Variants in CRTAC1 observed in about 807,000 individuals in gnomAD.
The protein encoded by CRTAC1 is cartilage acidic protein 1, also known as acidic secreted protein in cartilage.
In CRTAC1, 37 loss-of-function variants were observed where a neutral mutation model predicts 67.8. The ratio of observed to expected loss-of-function variants is 0.55; its 90% CI spans 0.42 to 0.72. The LOEUF (loss-of-function observed/expected upper bound fraction) is 0.72, where lower values mean the gene tolerates loss of function less well. Ranked by LOEUF, CRTAC1 falls within the 30% of genes least tolerant of loss-of-function variation. The pLI, the probability that CRTAC1 is intolerant of heterozygous loss-of-function variation, is 0.00. For missense variants in CRTAC1, 780 were observed against 931.6 expected (o/e 0.84, Z 2.12); for synonymous variants, 348 against 371.0 (o/e 0.94, Z 0.71).
intron 14 of CRTAC1, among the ~76,000 whole-genome samples, chr10:97,879,400 T>A (rs2050182632): frequency 6.6e-6 from 1 of 152,180 alleles, no homozygotes; most frequent in Non-Finnish European, 1.5e-5. Context: ...GATACAAGAC[T>A]ATCTTGATTC....
intron 2 of CRTAC1, among the ~76,000 whole-genome samples, chr10:97,967,036 C>T (rs1319082569): frequency 1.4e-5 from 2 of 146,344 alleles, no homozygotes; most frequent in Non-Finnish European, 3.0e-5. Flanking sequence ...AAGGAAGTCA[C>T]TATGCGGCAC....
Position 97,898,272 on chromosome 10 carries a change from C to T in CRTAC1, c.1134-1281G>A, listed in dbSNP as rs373520765. Reference sequence around the variant, plus strand: ...GGATGGAGCTCAGAGTCCGTGTTAACAGGAACCACCGTTCAGAGGGCTGAA... The same window carrying T: ...GGATGGAGCTCAGAGTCCGTGTTAATAGGAACCACCGTTCAGAGGGCTGAA... On this transcript the variant is annotated intron_variant, in intron 8 of 14. Coordinates refer to ENST00000370597, the MANE Select transcript of CRTAC1 (RefSeq NM_018058.7). Among the ~76,000 whole-genome samples the T allele has an allele frequency of 1.5e-3, 231 of 152,330 alleles. 2 individuals carry two copies. Among genetic ancestry groups the T allele is most frequent in the African/African-American group, 5.0e-3 (209 of 41,568 alleles).
intron 3 of CRTAC1, among the ~76,000 whole-genome samples, chr10:97,930,329 C>T (rs1235931372): frequency 6.6e-6 from 1 of 152,206 alleles, no homozygotes; most frequent in East Asian, 1.9e-4. Context: ...TATTATGCTG[C>T]TTTGGCCCAT....
At chr10:98,025,450 A>G (rs1422632009) in intron 1 of CRTAC1, among the ~76,000 whole-genome samples, 1 of 152,126 alleles carries the variant, frequency 6.6e-6, no homozygotes, top group African/African-American at 2.4e-5. Context: ...GATAAGGTAA[A>G]AATCATGAGT....
chr10:98,025,282 G>A (rs374499963), intron 1 of CRTAC1, among the ~76,000 whole-genome samples: 2 of 152,134 alleles, frequency 1.3e-5, no homozygotes, highest in Admixed American at 6.5e-5. Flanking sequence ...GACGTGTTCT[G>A]TGCACTGTAG....
At chr10:97,869,444 C>T (rs553624929) in intron 14 of CRTAC1, 2 of 152,796 alleles carry the variant, frequency 1.3e-5, no homozygotes, top group South Asian at 4.1e-4. Context: ...AGGAGCAGCT[C>T]CAGCCTCAGC....
intron 3 of CRTAC1, among the ~76,000 whole-genome samples, chr10:97,927,850 C>A (rs1026389604): frequency 6.6e-6 from 1 of 152,232 alleles, no homozygotes; most frequent in South Asian, 2.1e-4. Context: ...GCGAGCTGTG[C>A]GGGTCGATGG....
At chr10:98,028,934 G>A (rs489888) in intron 1 of CRTAC1, among the ~76,000 whole-genome samples, 2 of 152,098 alleles carry the variant, frequency 1.3e-5, no homozygotes, top group Admixed American at 6.5e-5. Context: ...ACACCGTTTC[G>A]ACCTTTTCCA....
intron 2 of CRTAC1, among the ~76,000 whole-genome samples, chr10:97,944,472 A>T (rs2051232234): frequency 1.3e-5 from 2 of 152,152 alleles, no homozygotes; most frequent in Admixed American, 6.5e-5. Flanking sequence ...TAAAATGACA[A>T]CAGTGTTCTC....
chr10:97,918,561 G>A (rs1243117611), intron 4 of CRTAC1, among the ~76,000 whole-genome samples: 2 of 152,216 alleles, frequency 1.3e-5, no homozygotes, highest in African/African-American at 4.8e-5. Context: ...GCCAAGTGCT[G>A]TGTTAAAAAT....
chr10:97,889,136 G>A, intron 11 of CRTAC1, among the ~76,000 whole-genome samples: 1 of 148,244 alleles, frequency 6.7e-6, no homozygotes, highest in East Asian at 2.1e-4. Flanking sequence ...GGGAAGGGGG[G>A]GAGGGGGAAG....
chr10:97,943,711 G>A (rs2051214513), intron 2 of CRTAC1, among the ~76,000 whole-genome samples: 2 of 152,306 alleles, frequency 1.3e-5, no homozygotes, highest in Non-Finnish European at 2.9e-5. Flanking sequence ...TGGGCCAAAT[G>A]GTCTGCTTCC....
chr10:98,026,961 C>T (rs1241229453), intron 1 of CRTAC1, among the ~76,000 whole-genome samples: 2 of 152,042 alleles, frequency 1.3e-5, no homozygotes, highest in South Asian at 2.1e-4. Flanking sequence ...GGGCAGATCA[C>T]GAGGTCAGGA....
chr10:97,995,350 C>T (rs953463395), intron 2 of CRTAC1, among the ~76,000 whole-genome samples: 1 of 152,130 alleles, frequency 6.6e-6, no homozygotes, highest in East Asian at 1.9e-4. Context: ...CCCAAGACTT[C>T]CATGCTGTAG....
At chr10:97,936,725 ACTTT>A (rs1476411711) in intron 2 of CRTAC1, among the ~76,000 whole-genome samples, 6 of 152,256 alleles carry the variant, frequency 3.9e-5, no homozygotes, top group South Asian at 2.1e-4. Context: ...TGCAAAAGGC[ACTTT>A]CACATTTATG....
chr10:97,890,210 G>A (rs2050348749), intron 11 of CRTAC1, among the ~76,000 whole-genome samples: 1 of 152,190 alleles, frequency 6.6e-6, no homozygotes, highest in Non-Finnish European at 1.5e-5. Context: ...TCAAACTCCT[G>A]GCCTTGAGCG....
chr10:97,911,234 C>A (rs912546417), intron 5 of CRTAC1, among the ~76,000 whole-genome samples: 1 of 152,254 alleles, frequency 6.6e-6, no homozygotes, highest in Non-Finnish European at 1.5e-5. Flanking sequence ...TCCGCTTCCA[C>A]ATCCTCCAAT....
chr10:97,989,372 T>C (rs1842391405), intron 2 of CRTAC1, among the ~76,000 whole-genome samples: 1 of 152,232 alleles, frequency 6.6e-6, no homozygotes, highest in South Asian at 2.1e-4. Context: ...CATCATAGTG[T>C]GTACTTACAC....
At chr10:97,874,670 C>T (rs2050127110) in intron 14 of CRTAC1, among the ~76,000 whole-genome samples, 1 of 152,138 alleles carries the variant, frequency 6.6e-6, no homozygotes, top group South Asian at 2.1e-4. Flanking sequence ...TGGGGGCTTT[C>T]TATGTGCCAG....
Sources: gnomAD v4.1 joint callset for allele counts (sites outside exome capture counted in the v4.1 genomes callset) on GRCh38, gnomAD v4.1.1 for gene constraint, MANE v1.5 for transcripts, NCBI Gene and HGNC (gene_info 2026-07-23, HGNC 2026-07-21) for gene names.